Variants in NCKAP5 observed in about 807,000 individuals in gnomAD.
NCKAP5 encodes nck-associated protein 5.
Under a neutral mutation model 167.0 loss-of-function variants are expected in NCKAP5, and 92 were observed. The ratio of observed to expected loss-of-function variants is 0.55; its 90% CI spans 0.47 to 0.66. The LOEUF is 0.66. Among genes scored for constraint, NCKAP5 ranks in the 30% least tolerant of loss-of-function variants. NCKAP5 has a pLI of 0.00. For missense variants in NCKAP5, 2,378 were observed against 2,315.0 expected (o/e 1.03, Z -0.56); for synonymous variants, 891 against 877.4 (o/e 1.02, Z -0.27).
At chr2:133,365,722 G>A (rs527472195) in intron 3 of NCKAP5, among the ~76,000 whole-genome samples, 5 of 152,290 alleles carry the variant, frequency 3.3e-5, no homozygotes, top group South Asian at 2.1e-4. Context: ...CTTTATTCAG[G>A]TGGGCATAAT....
intron 8 of NCKAP5, among the ~76,000 whole-genome samples, chr2:132,890,048 G>T (rs887950977): frequency 6.6e-6 from 1 of 152,184 alleles, no homozygotes; most frequent in Non-Finnish European, 1.5e-5. Context: ...GTCTTTTCCA[G>T]AGTGACATCT....
chr2:132,941,931 C>G (rs1697331194), intron 8 of NCKAP5, among the ~76,000 whole-genome samples: 1 of 152,066 alleles, frequency 6.6e-6, no homozygotes, highest in Non-Finnish European at 1.5e-5. Flanking sequence ...TTCCCTCGGG[C>G]AAAAATATTT....
intron 3 of NCKAP5, among the ~76,000 whole-genome samples, chr2:133,436,795 A>G (rs994925434): frequency 6.6e-6 from 1 of 152,126 alleles, no homozygotes; most frequent in Non-Finnish European, 1.5e-5. Flanking sequence ...CATCACGTGT[A>G]TGTTAACATG....
chr2:133,407,295 C>T (rs1022305367), intron 3 of NCKAP5, among the ~76,000 whole-genome samples: 1 of 152,226 alleles, frequency 6.6e-6, no homozygotes, highest in Non-Finnish European at 1.5e-5. Context: ...TCCTTGAGGG[C>T]TTCTCTGTAC....
intron 3 of NCKAP5, among the ~76,000 whole-genome samples, chr2:133,515,003 C>G (rs900468240): frequency 6.6e-6 from 1 of 152,202 alleles, no homozygotes; most frequent in African/African-American, 2.4e-5. Flanking sequence ...TTGTTGTTTT[C>G]TTGTATTTCA....
chr2:133,331,060 G>A (rs1559389948), intron 3 of NCKAP5, among the ~76,000 whole-genome samples: 1 of 152,120 alleles, frequency 6.6e-6, no homozygotes, highest in East Asian at 1.9e-4. Context: ...GCAAAAGTAT[G>A]TGTGTGTGTA....
At chr2:133,674,780 G>A in the NCKAP5 span, among the ~76,000 whole-genome samples, 1 of 152,126 alleles carries the variant, frequency 6.6e-6, no homozygotes, top group Non-Finnish European at 1.5e-5. Flanking sequence ...AGTTCCTGGG[G>A]TTTTCGGATC....
chr2:133,539,342 G>C (rs1558766438), intron 2 of NCKAP5, among the ~76,000 whole-genome samples: 2 of 152,094 alleles, frequency 1.3e-5, no homozygotes, highest in Non-Finnish European at 2.9e-5. Context: ...AAATCCTCTA[G>C]GTGAGGAGAA....
At chr2:133,505,878 G>A (rs368706936) in intron 3 of NCKAP5, among the ~76,000 whole-genome samples, 5 of 152,314 alleles carry the variant, frequency 3.3e-5, no homozygotes, top group Admixed American at 6.5e-5. Context: ...GAGCTGCACC[G>A]CTCTCGTCAT....
At chr2:133,611,236 C>T in the NCKAP5 span, among the ~76,000 whole-genome samples, 1 of 152,130 alleles carries the variant, frequency 6.6e-6, no homozygotes, top group African/African-American at 2.4e-5. Flanking sequence ...TTGCATCTCT[C>T]AGAGACCACC....
At chr2:132,757,732 G>A (rs2104833928) in intron 16 of NCKAP5, among the ~76,000 whole-genome samples, 1 of 152,298 alleles carries the variant, frequency 6.6e-6, no homozygotes, top group South Asian at 2.1e-4. Flanking sequence ...GTGACTAACA[G>A]GAATTCTTGA....
At chr2:133,359,114 TGAAA>T (rs1646645271) in intron 3 of NCKAP5, among the ~76,000 whole-genome samples, 1 of 152,244 alleles carries the variant, frequency 6.6e-6, no homozygotes, top group African/African-American at 2.4e-5. Context: ...GAAAGATTTA[TGAAA>T]GAAACATTGA....
intron 3 of NCKAP5, among the ~76,000 whole-genome samples, chr2:133,347,240 TG>T (rs1240456804): frequency 6.6e-6 from 1 of 152,156 alleles, no homozygotes; most frequent in Non-Finnish European, 1.5e-5. Context: ...CAAAATTGTG[TG>T]GGGGGAGTTA....
chr2:133,145,944 TATTAA>T (rs903321465), intron 5 of NCKAP5, among the ~76,000 whole-genome samples: 1 of 152,140 alleles, frequency 6.6e-6, no homozygotes, highest in African/African-American at 2.4e-5. Flanking sequence ...AACAAGACTT[TATTAA>T]ATTAGACAGC....
chr2:133,371,191 C>T (rs996136150), intron 3 of NCKAP5, among the ~76,000 whole-genome samples: 1 of 152,156 alleles, frequency 6.6e-6, no homozygotes, highest in Non-Finnish European at 1.5e-5. Flanking sequence ...GCTGGATTTG[C>T]ACCAACAAAT....
At chr2:133,614,269 G>T in the NCKAP5 span, among the ~76,000 whole-genome samples, 3 of 152,162 alleles carry the variant, frequency 2.0e-5, no homozygotes, top group African/African-American at 4.8e-5. Context: ...TGTTGGTGGG[G>T]CACTGTGGGA....
chr2:132,954,429 T>TA (rs1232598383), intron 8 of NCKAP5, among the ~76,000 whole-genome samples: 2 of 152,182 alleles, frequency 1.3e-5, no homozygotes, highest in African/African-American at 4.8e-5. Context: ...ATGACTGCTT[T>TA]AAAAGATAAT....
intron 4 of NCKAP5, among the ~76,000 whole-genome samples, chr2:133,248,056 A>G (rs1177498399): frequency 6.6e-6 from 1 of 152,200 alleles, no homozygotes; most frequent in East Asian, 1.9e-4. Context: ...TTCTGGAGAA[A>G]CTGTTTGTTA....
intron 6 of NCKAP5, among the ~76,000 whole-genome samples, chr2:133,099,488 G>A (rs1311484080): frequency 2.0e-5 from 3 of 152,134 alleles, no homozygotes; most frequent in African/African-American, 7.2e-5. Context: ...CAGAAACTCA[G>A]GTATAAAATG....
Sources: allele counts gnomAD v4.1 joint callset (sites outside exome capture counted in the v4.1 genomes callset), GRCh38; gene constraint gnomAD v4.1.1; transcripts MANE v1.5; gene names NCBI Gene and HGNC (gene_info 2026-07-23, HGNC 2026-07-21).